Variants in CEMIP observed in about 807,000 individuals in gnomAD.
CEMIP encodes cell migration inducing hyaluronidase 1.
Under a neutral mutation model 156.9 loss-of-function variants are expected in CEMIP, and 105 were observed. The ratio of observed to expected loss-of-function variants is 0.67; its 90% confidence interval spans 0.57 to 0.79. The LOEUF (loss-of-function observed/expected upper bound fraction) is 0.79, where lower values mean the gene tolerates loss of function less well. CEMIP is among the 30% of genes least tolerant of loss of function. The probability of loss-of-function intolerance (pLI) is 0.00; values close to 1 mark genes in which losing one functional copy is unlikely to be tolerated. For synonymous variants in CEMIP, 676 were observed against 668.4 expected, an observed-to-expected ratio of 1.01 and a Z score of -0.17; for missense variants, 1,457 against 1,769.4, an observed-to-expected ratio of 0.82 and a Z score of 3.17.
chr15:80,873,824 G>A (rs1029679851), intron 2 of CEMIP, 40 bp from the exon 3 acceptor site: 12 of 1,451,410 alleles, frequency 8.3e-6, no homozygotes, highest in Non-Finnish European at 1.0e-5. Flanking sequence ...ATTCCAGCCT[G>A]CCAAGGCTGC....
intron 1 of CEMIP, among the ~76,000 whole-genome samples, chr15:80,823,508 G>T (rs11633538): frequency 0.15 from 22,519 of 152,072 alleles, 2,223 homozygotes; most frequent in East Asian, 0.4. Context: ...TCTTAGCTCA[G>T]CTTTCCAACA....
intron 1 of CEMIP, among the ~76,000 whole-genome samples, chr15:80,823,654 T>C (rs1247313997): frequency 6.6e-6 from 1 of 152,126 alleles, no homozygotes; most frequent in Non-Finnish European, 1.5e-5. Flanking sequence ...AACTCAACCC[T>C]GATGGTGGGT....
intron 1 of CEMIP, among the ~76,000 whole-genome samples, chr15:80,794,494 T>C (rs944734130): frequency 6.6e-6 from 1 of 152,216 alleles, no homozygotes. Context: ...TTTGGAATTC[T>C]GAGTTTTCTA....
At chr15:80,894,543 G>A (rs972543887) in intron 10 of CEMIP, among the ~76,000 whole-genome samples, 3 of 152,192 alleles carry the variant, frequency 2.0e-5, no homozygotes, top group African/African-American at 4.8e-5. Context: ...CTGAGGCTCC[G>A]AGGATGGGGA....
At chr15:80,847,723 C>A (rs1897598198) in intron 1 of CEMIP, among the ~76,000 whole-genome samples, 1 of 152,214 alleles carries the variant, frequency 6.6e-6, no homozygotes, top group Non-Finnish European at 1.5e-5. Context: ...AAGGCTGATG[C>A]TGGGACCATC....
intron 7 of CEMIP, among the ~76,000 whole-genome samples, chr15:80,887,089 C>T (rs1898869898): frequency 2.6e-5 from 4 of 152,176 alleles, no homozygotes; most frequent in Admixed American, 2.6e-4. Context: ...GTAAGAAAAC[C>T]TTGCTGCCCT....
At chr15:80,934,712 A>G (rs1291203238) in intron 23 of CEMIP, among the ~76,000 whole-genome samples, 1 of 152,112 alleles carries the variant, frequency 6.6e-6, no homozygotes, top group Non-Finnish European at 1.5e-5. Context: ...GGCTGAAGGA[A>G]AAGGGCCATA....
intron 4 of CEMIP, 50 bp downstream of exon 4, chr15:80,878,917 C>T (rs1408799567): frequency 6.2e-7 from 1 of 1,610,498 alleles, no homozygotes; most frequent in South Asian, 1.1e-5. Flanking sequence ...TGCCCCAGAG[C>T]TTAGCAGATA....
At chr15:80,870,061 C>G (rs1898237579) in intron 1 of CEMIP, among the ~76,000 whole-genome samples, 1 of 152,152 alleles carries the variant, frequency 6.6e-6, no homozygotes, top group Non-Finnish European at 1.5e-5. Context: ...GTGCATCATC[C>G]CAGCGTTACA....
At chr15:80,832,322 C>CTGTGTGTGTGTGTGTGTG (rs58855328) in intron 1 of CEMIP, among the ~76,000 whole-genome samples, 8,871 of 127,872 alleles carry the variant, frequency 0.069, 645 homozygotes, top group Non-Finnish European at 0.08. Flanking sequence ...AAAATAAACT[C>CTGTGTGTGTGTGTGTGTG]TGTGTGTGTG....
chr15:80,946,074 G>A (rs1376053363), intron 28 of CEMIP, among the ~76,000 whole-genome samples: 2 of 152,350 alleles, frequency 1.3e-5, no homozygotes, highest in African/African-American at 2.4e-5. Context: ...ATAGCCCTGT[G>A]TTGCCTAACC....
At chr15:80,920,429 C>T (rs763215200) in intron 15 of CEMIP, 130 bp downstream of exon 15, 23 of 773,652 alleles carry the variant, frequency 3.0e-5, no homozygotes, top group Non-Finnish European at 4.7e-5. Context: ...CCTCACAGCC[C>T]TTAACCACCT....
intron 1 of CEMIP, among the ~76,000 whole-genome samples, chr15:80,830,703 A>G (rs1897139002): frequency 6.6e-6 from 1 of 152,106 alleles, no homozygotes; most frequent in Non-Finnish European, 1.5e-5. Flanking sequence ...TGGAAATAAA[A>G]TTATCTTTAT....
chr15:80,886,722 G>GT (rs1898854712), intron 7 of CEMIP, among the ~76,000 whole-genome samples: 1 of 152,228 alleles, frequency 6.6e-6, no homozygotes, highest in Non-Finnish European at 1.5e-5. Context: ...TTAAACCTGA[G>GT]TGTCTGTACA....
At chr15:80,787,207 A>G (rs1440771600) in intron 1 of CEMIP, among the ~76,000 whole-genome samples, 1 of 152,248 alleles carries the variant, frequency 6.6e-6, no homozygotes, top group Non-Finnish European at 1.5e-5. Flanking sequence ...AAGGGAACTG[A>G]AGAGCCCCTT....
rs748745986 is a variant in CEMIP, at chr15:80,937,782, T to C, written c.3222-12T>C. 1.9e-5 allele frequency: 30 copies of C among 1,613,970 alleles called. No individual in the cohort carries two copies. The African/African-American group carries it at 3.7e-4, about 20-fold the overall frequency. ...ACCCTTGCTTGTAACCTGACTCTAC[T>C]TCCAATCCTAGGGGCGACTGGATCC... On this transcript the variant is annotated splice_polypyrimidine_tract_variant and intron_variant, in intron 24 of 29. Transcript: ENST00000394685.
At position 80,951,280 on chromosome 15, in the gene CEMIP, A is replaced by AGAGTT. The variant is rs1234092077; in HGVS notation, c.*2358_*2362dup. ...AAAAGATATCTATTTGAAAGTTCTC[A>AGAGTT]GAGTTGTACATATGTTTCACAGTAC... On this transcript the variant is annotated 3_prime_UTR_variant, in exon 30 of 30. Coordinates refer to ENST00000394685, the MANE Select transcript of CEMIP (RefSeq NM_001293298.2). 6.5e-6 allele frequency: 1 copy of AGAGTT among 152,692 alleles called. No homozygotes were observed. The highest frequency in any genetic ancestry group is 2.4e-5 in the African/African-American group (1 of 41,476). 9.5% of individuals were successfully genotyped at this position (152,692 alleles called of 1,614,324 possible).
chr15:80,911,515 A>G (rs1240031189), intron 14 of CEMIP, among the ~76,000 whole-genome samples: 1 of 129,700 alleles, frequency 7.7e-6, no homozygotes, highest in Non-Finnish European at 1.6e-5. Flanking sequence ...TGTGAATCTC[A>G]GGGAAAATAC....
In CEMIP at chr15:80,949,275, C is replaced by T. The variant is rs1901715072; in HGVS notation, c.*351C>T. The T allele has an allele frequency of 2.6e-6, 1 of 378,268 alleles. No individual in the cohort carries two copies. Among genetic ancestry groups the T allele is most frequent in the East Asian group, 6.5e-5 (1 of 15,354 alleles). 23.4% of individuals were successfully genotyped at this position (378,268 alleles called of 1,614,324 possible). On this transcript the variant is annotated 3_prime_UTR_variant, in exon 30 of 30. Transcript: ENST00000394685. ...CAGCAAAGATCCACTTTGGCAGGAG[C>T]CCTGACCCAGCTAGGAGGTAGTCTG... is the stretch of plus-strand genomic sequence containing the variant.
Sources: allele counts gnomAD v4.1 joint callset (sites outside exome capture counted in the v4.1 genomes callset), GRCh38; gene constraint gnomAD v4.1.1; transcripts MANE v1.5; gene names NCBI Gene and HGNC (gene_info 2026-07-23, HGNC 2026-07-21).